The following NTM variants were observed in gnomAD, a reference collection of about 807,000 sequenced individuals.
NTM encodes the protein IgLON family member 2.
NTM carries 13 observed loss-of-function variants against 42.1 expected under a neutral mutation model. That is an observed-to-expected ratio of 0.31 (90% CI 0.20 to 0.49). The LOEUF (loss-of-function observed/expected upper bound fraction) is 0.49. Among genes scored for constraint, NTM ranks in the 20% least tolerant of loss-of-function variants. The pLI, the probability that NTM is intolerant of heterozygous loss-of-function variation, is 0.99. For synonymous variants in NTM, 187 were observed against 179.2 expected, an observed-to-expected ratio of 1.04 and a Z score of -0.35; for missense variants, 373 against 452.8, an observed-to-expected ratio of 0.82 and a Z score of 1.60.
intron 1 of NTM, among the ~76,000 whole-genome samples, chr11:131,770,625 A>G (rs965492): frequency 0.43 from 65,186 of 152,056 alleles, 15,646 homozygotes; most frequent in East Asian, 0.62. Context: ...CAGTCTGTTG[A>G]TGAAGATGAT....
At chr11:132,187,401 C>T (rs1343662423) in intron 3 of NTM, among the ~76,000 whole-genome samples, 1 of 152,186 alleles carries the variant, frequency 6.6e-6, no homozygotes, top group African/African-American at 2.4e-5. Flanking sequence ...TCCCCACCCA[C>T]GTATCCCTTT....
At chr11:132,305,076 T>G (rs567484259) in intron 4 of NTM, among the ~76,000 whole-genome samples, 1 of 152,290 alleles carries the variant, frequency 6.6e-6, no homozygotes, top group South Asian at 2.1e-4. Flanking sequence ...CACAGAAAAC[T>G]GATGAGTTCT....
At chr11:132,301,628 C>T (rs1025206565) in intron 4 of NTM, among the ~76,000 whole-genome samples, 1 of 152,186 alleles carries the variant, frequency 6.6e-6, no homozygotes, top group African/African-American at 2.4e-5. Context: ...TGGGGGAATA[C>T]AACTGTCCTT....
chr11:131,984,959 A>G (rs1165253656), intron 2 of NTM, among the ~76,000 whole-genome samples: 1 of 152,174 alleles, frequency 6.6e-6, no homozygotes, highest in Non-Finnish European at 1.5e-5. Flanking sequence ...CAAATCGTTA[A>G]GTAATATTGA....
At chr11:131,654,329 G>A (rs532292612) in intron 1 of NTM, among the ~76,000 whole-genome samples, 1 of 152,346 alleles carries the variant, frequency 6.6e-6, no homozygotes, top group East Asian at 1.9e-4. Context: ...GCCAAAGGCA[G>A]GGCCGGTGTC....
intron 1 of NTM, among the ~76,000 whole-genome samples, chr11:131,847,596 C>T (rs1285272530): frequency 4.6e-5 from 7 of 152,098 alleles, no homozygotes; most frequent in African/African-American, 9.7e-5. Context: ...ATATTCTTCC[C>T]TCTTCTCCCC....
intron 1 of NTM, among the ~76,000 whole-genome samples, chr11:131,579,988 G>A (rs2058260587): frequency 6.6e-6 from 1 of 152,206 alleles, no homozygotes; most frequent in South Asian, 2.1e-4. Context: ...TTCCTGGGAA[G>A]CAAGCTGTAG....
intron 2 of NTM, among the ~76,000 whole-genome samples, chr11:131,995,895 T>G (rs1038922945): frequency 1.3e-5 from 2 of 152,140 alleles, no homozygotes; most frequent in African/African-American, 4.8e-5. Flanking sequence ...GCAGTCCTGC[T>G]GAATGAGGGG....
In NTM at chr11:131,689,284, G is replaced by A. The variant is rs939397181; in HGVS notation, c.83-222280G>A. 9.8e-5 allele frequency among the ~76,000 whole-genome samples: 15 copies of A among 152,294 alleles called. No individual in the cohort carries two copies. The East Asian group carries it at 2.5e-3, about 26-fold the overall frequency. ...TGGCCCGGCAGGGAAGGCTGCTCTG[G>A]CCCTGCCTTGCCTCCCCACCCAGTA... On this transcript the variant is annotated intron_variant, in intron 1 of 8. Transcript: ENST00000683400.
chr11:131,374,992 T>G (rs1941763897), intron 1 of NTM, among the ~76,000 whole-genome samples: 1 of 152,114 alleles, frequency 6.6e-6, no homozygotes, highest in African/African-American at 2.4e-5. Context: ...TGCTAAAGAT[T>G]AACAAACAAA....
chr11:131,371,811 C>T (rs1414169121), intron 1 of NTM, among the ~76,000 whole-genome samples: 1 of 152,158 alleles, frequency 6.6e-6, no homozygotes, highest in Non-Finnish European at 1.5e-5. Context: ...AACTAGTTTG[C>T]CTCTTTTATA....
At chr11:131,942,668 G>A (rs1225576027) in intron 2 of NTM, among the ~76,000 whole-genome samples, 1 of 152,164 alleles carries the variant, frequency 6.6e-6, no homozygotes, top group Non-Finnish European at 1.5e-5. Context: ...AGTTTAGGCT[G>A]GGTGTGGTGG....
chr11:132,004,414 A>G (rs1170288967), intron 2 of NTM, among the ~76,000 whole-genome samples: 1 of 152,084 alleles, frequency 6.6e-6, no homozygotes, highest in Admixed American at 6.6e-5. Context: ...CCCTGTGCAA[A>G]TGCATTTTCC....
At chr11:131,776,180 C>T (rs10791166) in intron 1 of NTM, among the ~76,000 whole-genome samples, 85,423 of 152,068 alleles carry the variant, frequency 0.56, 24,305 homozygotes, top group African/African-American at 0.65. Context: ...CTTTGCTTAA[C>T]TGAGAAATTT....
chr11:131,886,327 T>C (rs1012497763), intron 1 of NTM, among the ~76,000 whole-genome samples: 5 of 152,222 alleles, frequency 3.3e-5, no homozygotes, highest in Non-Finnish European at 7.3e-5. Flanking sequence ...ACCTCCTGGC[T>C]GTCTCTAATT....
intron 2 of NTM, among the ~76,000 whole-genome samples, chr11:132,131,785 G>A (rs2066872921): frequency 6.6e-6 from 1 of 152,184 alleles, no homozygotes; most frequent in South Asian, 2.1e-4. Context: ...AAGAGTGACT[G>A]GACTGAAGAG....
intron 7 of NTM, among the ~76,000 whole-genome samples, chr11:132,327,231 T>G (rs1209240946): frequency 1.3e-5 from 2 of 152,222 alleles, no homozygotes; most frequent in African/African-American, 2.4e-5. Flanking sequence ...TCCGTGGCTG[T>G]TCATTTTCCA....
chr11:131,569,229 C>T (rs2057208476), intron 1 of NTM, among the ~76,000 whole-genome samples: 1 of 151,684 alleles, frequency 6.6e-6, no homozygotes, highest in Non-Finnish European at 1.5e-5. Context: ...ACTGCAACCT[C>T]TGACTCCCGG....
At chr11:131,850,688 G>T (rs78672210) in intron 1 of NTM, among the ~76,000 whole-genome samples, 2,058 of 152,298 alleles carry the variant, frequency 0.014, 112 homozygotes, top group East Asian at 0.13. Context: ...AGCAATCAAT[G>T]TTCAAAGGGA....
Sources: gnomAD v4.1 joint callset for allele counts (sites outside exome capture counted in the v4.1 genomes callset) on GRCh38, gnomAD v4.1.1 for gene constraint, MANE v1.5 for transcripts, NCBI Gene and HGNC (gene_info 2026-07-23, HGNC 2026-07-21) for gene names.